The following CLASP1 variants were observed in gnomAD, a reference collection of about 807,000 sequenced individuals.
The protein encoded by CLASP1 is CLIP-associating protein 1.
In CLASP1, 38 loss-of-function variants were observed where a neutral mutation model predicts 192.3. The observed-to-expected ratio is 0.20, with a 90% CI of 0.15 to 0.26. The LOEUF is 0.26. CLASP1 is among the 10% of genes least tolerant of loss of function. The pLI is 1.00. For synonymous variants in CLASP1, 691 were observed against 712.8 expected (o/e 0.97, Z 0.49); for missense variants, 1,433 against 1,932.5 (o/e 0.74, Z 4.85).
chr2:121,352,757 G>A (rs1283408516), intron 37 of CLASP1, among the ~76,000 whole-genome samples: 1 of 152,142 alleles, frequency 6.6e-6, no homozygotes, highest in East Asian at 1.9e-4. Flanking sequence ...GGGTTCAAGC[G>A]ATTCTCATGC....
At chr2:121,407,683 A>G (rs1227468728) in exon 25 of CLASP1, 1 of 1,613,948 alleles carries the variant, frequency 6.2e-7, no homozygotes, top group South Asian at 1.1e-5. Context: ...AATACATCCC[A>G]TACGGCTCAT....
At chr2:121,412,122 G>C (rs2077805728) in intron 23 of CLASP1, among the ~76,000 whole-genome samples, 1 of 152,006 alleles carries the variant, frequency 6.6e-6, no homozygotes, top group Non-Finnish European at 1.5e-5. Flanking sequence ...CAAAACTGGT[G>C]AACTTAAAAA....
At chr2:121,484,299 C>G (rs2092822659) in intron 8 of CLASP1, among the ~76,000 whole-genome samples, 1 of 152,196 alleles carries the variant, frequency 6.6e-6, no homozygotes, top group Non-Finnish European at 1.5e-5. Context: ...ACCACTGAAG[C>G]CTGCTCACCA....
At chr2:121,602,054 A>G (rs947909092) in intron 2 of CLASP1, among the ~76,000 whole-genome samples, 1 of 152,032 alleles carries the variant, frequency 6.6e-6, no homozygotes, top group African/African-American at 2.4e-5. Context: ...GCACGCCTGC[A>G]GTACCAGCTA....
At chr2:121,536,003 A>T (rs745328724) in intron 2 of CLASP1, among the ~76,000 whole-genome samples, 25 of 152,074 alleles carry the variant, frequency 1.6e-4, no homozygotes, top group Non-Finnish European at 2.6e-4. Flanking sequence ...GTTGGTAAAG[A>T]TGTAGAGAAA....
At chr2:121,461,641 G>A (rs1004548583) in intron 10 of CLASP1, among the ~76,000 whole-genome samples, 2 of 152,012 alleles carry the variant, frequency 1.3e-5, no homozygotes, top group Non-Finnish European at 2.9e-5. Flanking sequence ...ATGTATGCTG[G>A]GAAGGTCAGG....
chr2:121,531,012 A>C, intron 2 of CLASP1: 1 of 700,218 alleles, frequency 1.4e-6, no homozygotes. Flanking sequence ...GGAAAAATGA[A>C]AACCTGTTTT....
intron 7 of CLASP1, among the ~76,000 whole-genome samples, chr2:121,515,415 C>G (rs1394198956): frequency 6.6e-6 from 1 of 152,086 alleles, no homozygotes; most frequent in East Asian, 1.9e-4. Context: ...ATACCAATTG[C>G]TTTTAAAATC....
intron 1 of CLASP1, among the ~76,000 whole-genome samples, chr2:121,628,556 A>G (rs117862361): frequency 0.037 from 5,577 of 151,760 alleles, 155 homozygotes; most frequent in East Asian, 0.14. Flanking sequence ...CACGCCTGTA[A>G]CCCCAGCTAC....
intron 6 of CLASP1, among the ~76,000 whole-genome samples, chr2:121,517,485 GACTGA>G (rs2150360445): frequency 6.6e-6 from 1 of 152,252 alleles, no homozygotes; most frequent in South Asian, 2.1e-4. Context: ...TCATGCTGTG[GACTGA>G]ACTGTGTGCC....
intron 30 of CLASP1, among the ~76,000 whole-genome samples, chr2:121,388,943 A>G (rs530487381): frequency 6.6e-6 from 1 of 152,364 alleles, no homozygotes; most frequent in South Asian, 2.1e-4. Flanking sequence ...TTACACAAAA[A>G]ATGTGCTTGC....
At chr2:121,418,588 CT>C in intron 23 of CLASP1, 33 bp downstream of exon 23, 2 of 1,475,814 alleles carry the variant, frequency 1.4e-6, no homozygotes, top group Non-Finnish European at 9.5e-7. Flanking sequence ...GAAAGGAACT[CT>C]TTGCTCCTCA....
chr2:121,564,989 T>C (rs2059383479), intron 2 of CLASP1, among the ~76,000 whole-genome samples: 1 of 152,134 alleles, frequency 6.6e-6, no homozygotes, highest in African/African-American at 2.4e-5. Context: ...AGAAGTTGTA[T>C]ACACAGGTGG....
intron 2 of CLASP1, among the ~76,000 whole-genome samples, chr2:121,588,132 C>A (rs559766422): frequency 6.9e-6 from 1 of 145,416 alleles, no homozygotes. Context: ...CAAGATCATG[C>A]CACTGCACTC....
chr2:121,352,233 C>T (rs1289656251), intron 37 of CLASP1, among the ~76,000 whole-genome samples: 1 of 152,240 alleles, frequency 6.6e-6, no homozygotes, highest in African/African-American at 2.4e-5. Flanking sequence ...GGGCCCTCGG[C>T]CATGCACAGC....
At chr2:121,492,338 G>A (rs868790096) in intron 8 of CLASP1, among the ~76,000 whole-genome samples, 3 of 141,312 alleles carry the variant, frequency 2.1e-5, no homozygotes, top group Non-Finnish European at 4.5e-5. Flanking sequence ...GCAGTGAGCC[G>A]AGGTCGCACC....
At chr2:121,642,154 A>G (rs1282514991) in intron 1 of CLASP1, among the ~76,000 whole-genome samples, 1 of 152,128 alleles carries the variant, frequency 6.6e-6, no homozygotes, top group African/African-American at 2.4e-5. Flanking sequence ...ACAGTGGCTC[A>G]CGCCTATAAT....
At chr2:121,512,626 A>G (rs1275682726) in intron 7 of CLASP1, among the ~76,000 whole-genome samples, 1 of 152,194 alleles carries the variant, frequency 6.6e-6, no homozygotes, top group Non-Finnish European at 1.5e-5. Context: ...ACGAGAAGAG[A>G]AGACTGAAAT....
Position 121,544,999 on chromosome 2 carries a change from C to T in CLASP1, c.196-14674G>A, listed in dbSNP as rs573201067. ...GGATCTTGGCTCATTGCAACCTCTA[C>T]CTCCCAGGCTCAAGCAATTCTCCTG... On this transcript the variant is annotated intron_variant, in intron 2 of 39. Coordinates refer to ENST00000263710, the Ensembl canonical transcript of CLASP1. 2.6e-5 allele frequency among the ~76,000 whole-genome samples: 4 copies of T among 151,850 alleles called. No homozygotes were observed. In the East Asian group the frequency reaches 5.8e-4, roughly 22 times the overall value.
Sources: gnomAD v4.1 joint callset for allele counts (sites outside exome capture counted in the v4.1 genomes callset) on GRCh38, gnomAD v4.1.1 for gene constraint, MANE v1.5 for transcripts, NCBI Gene and HGNC (gene_info 2026-07-23, HGNC 2026-07-21) for gene names.